RAB23: variants seen among roughly 807,000 people sequenced by gnomAD.
RAB23 encodes ras-related protein Rab-23.
Under a neutral mutation model 30.0 loss-of-function variants are expected in RAB23, and 15 were observed. The ratio of observed to expected loss-of-function variants is 0.50; its 90% CI spans 0.33 to 0.77. The LOEUF (loss-of-function observed/expected upper bound fraction) is 0.77, where lower values mean the gene tolerates loss of function less well. RAB23 is among the 30% of genes least tolerant of loss of function. RAB23 has a pLI of 0.02. For missense variants in RAB23, 243 were observed against 275.4 expected, an observed-to-expected ratio of 0.88 and a Z score of 0.83; for synonymous variants, 93 against 94.0, an observed-to-expected ratio of 0.99 and a Z score of 0.06.
Position 57,194,803 on chromosome 6 carries a change from T to C in RAB23, c.448A>G (p.Thr150Ala), listed in dbSNP as rs142831012. Residue 150 changes from threonine (T) to alanine (A), a missense_variant, in exon 5 of 7, where the codon ACA becomes GCA. Thr to Ala is a moderately conservative substitution (Grantham distance 58). Coordinates refer to ENST00000468148, the MANE Select transcript of RAB23 (RefSeq NM_016277.5). ...ACATTTAGATCTTCTTTCACTGATG[T>C]TCTGTAGAATCTTAACTTTAACCTT... ...AKRLKLRFYR[T>A]SVKEDLNVNE... 4 of 1,613,262 alleles carry C rather than the reference T, an allele frequency of 2.5e-6. No individual in the cohort carries two copies. The African/African-American group carries it at 5.3e-5, about 22-fold the overall frequency.
chr6:57,220,783 C>T (rs1318065378), intron 1 of RAB23, among the ~76,000 whole-genome samples: 1 of 151,820 alleles, frequency 6.6e-6, no homozygotes, highest in Non-Finnish European at 1.5e-5. Context: ...TACATCCTTA[C>T]TGTAGTGGTG....
chr6:57,205,093 TATAA>T (rs1176545534), intron 3 of RAB23, among the ~76,000 whole-genome samples: 8 of 150,390 alleles, frequency 5.3e-5, no homozygotes, highest in South Asian at 2.1e-4. Flanking sequence ...TATTTGCATT[TATAA>T]ATATATATAC....
chr6:57,202,998 C>CTGTTTTTT (rs1562654629), intron 3 of RAB23, among the ~76,000 whole-genome samples: 1 of 119,052 alleles, frequency 8.4e-6, no homozygotes, highest in African/African-American at 3.2e-5. Context: ...CTAAGATAGG[C>CTGTTTTTT]TGTTTTTTTT....
chr6:57,222,053 G>C lies in RAB23; in HGVS notation c.-393C>G, dbSNP rs954229660. On this transcript the variant is annotated 5_prime_UTR_variant, in exon 1 of 7. Coordinates refer to ENST00000468148, the MANE Select transcript of RAB23 (RefSeq NM_016277.5). The stretch of plus-strand genomic sequence containing the variant: ...CCCACCGGCCGCGGACCCGCCGCCC[G>C]GCGCCACCGGCTCCTCCTGGTCGCG... 4 of 152,284 alleles carry C rather than the reference G, an allele frequency of 2.6e-5. No individual in the cohort carries two copies. The highest frequency in any genetic ancestry group is 4.1e-4 in the South Asian group (2 of 4,824). 9.4% of individuals were successfully genotyped at this position (152,284 alleles called of 1,614,324 possible). A position where few individuals can be genotyped will look rare whatever the true frequency, so the allele number is the denominator to read the frequency against.
chr6:57,216,755 T>C (rs1765852974), intron 1 of RAB23, among the ~76,000 whole-genome samples: 1 of 152,148 alleles, frequency 6.6e-6, no homozygotes, highest in South Asian at 2.1e-4. Flanking sequence ...TTGACTTTTC[T>C]GGGAAAGGGA....
intron 1 of RAB23, among the ~76,000 whole-genome samples, chr6:57,219,357 T>C (rs1052826735): frequency 1.3e-5 from 2 of 152,242 alleles, no homozygotes; most frequent in African/African-American, 2.4e-5. Flanking sequence ...AGACATATCA[T>C]GTTCATAGAT....
chr6:57,213,168 T>C (rs1379674164), intron 1 of RAB23, among the ~76,000 whole-genome samples: 1 of 152,114 alleles, frequency 6.6e-6, no homozygotes, highest in African/African-American at 2.4e-5. Context: ...TCAATAGAGT[T>C]TGGGCTCCTA....
Position 57,187,793 on chromosome 6 carries a change from A to AACC in RAB23, c.*2665_*2667dup, listed in dbSNP as rs1012822043. On this transcript the variant is annotated 3_prime_UTR_variant, in exon 7 of 7. Coordinates refer to ENST00000468148, the MANE Select transcript of RAB23 (RefSeq NM_016277.5). ...GCACTGCACTGCCAACTTCTAAAGC[A>AACC]ACCACCTAGAACTTCACTCCATAAT... is the stretch of plus-strand genomic sequence containing the variant. 5.6e-4 allele frequency: 85 copies of AACC among 152,118 alleles called. 1 individual carries two copies. The highest frequency in any genetic ancestry group is 1.9e-3 in the African/African-American group (80 of 41,488). 9.4% of individuals were successfully genotyped at this position (152,118 alleles called of 1,614,324 possible). A position where few individuals can be genotyped will look rare whatever the true frequency, so the allele number is the denominator to read the frequency against.
chr6:57,187,432 A>C lies in RAB23; in HGVS notation c.*3029T>G, dbSNP rs1303418955. The C allele has an allele frequency of 1.3e-5, 2 of 152,208 alleles. No homozygotes were observed. The highest frequency in any genetic ancestry group is 2.4e-5 in the African/African-American group (1 of 41,458). 9.4% of individuals were successfully genotyped at this position (152,208 alleles called of 1,614,324 possible). ...AAAACCTAAGGAGTGACAATAGTACATGTGACATTCTTAACAGTTAAAAAC... is the reference window on the plus strand; with the variant it reads ...AAAACCTAAGGAGTGACAATAGTACCTGTGACATTCTTAACAGTTAAAAAC... On this transcript the variant is annotated 3_prime_UTR_variant, in exon 7 of 7. Coordinates refer to ENST00000468148, the MANE Select transcript of RAB23 (RefSeq NM_016277.5).
chr6:57,211,441 T>C (rs1484062567), intron 1 of RAB23, among the ~76,000 whole-genome samples: 5 of 152,008 alleles, frequency 3.3e-5, no homozygotes, highest in East Asian at 3.9e-4. Flanking sequence ...GCCTAGGTGA[T>C]AGAACAAGAT....
chr6:57,206,857 C>CT (rs1202849810), intron 3 of RAB23, among the ~76,000 whole-genome samples: 2 of 152,122 alleles, frequency 1.3e-5, no homozygotes. Flanking sequence ...TCAGTTGTGC[C>CT]TTTTTATTTC....
intron 1 of RAB23, among the ~76,000 whole-genome samples, chr6:57,216,261 C>T (rs1250745129): frequency 6.6e-6 from 1 of 152,100 alleles, no homozygotes; most frequent in African/African-American, 2.4e-5. Context: ...AATGACAAAA[C>T]CATAATGTGC....
At chr6:57,207,482 T>G in intron 3 of RAB23, 146 bp downstream of exon 3, 1 of 609,698 alleles carries the variant, frequency 1.6e-6, no homozygotes, top group Admixed American at 2.8e-5. Flanking sequence ...AGAAGAATAA[T>G]GAACTGGGGT....
intron 2 of RAB23, among the ~76,000 whole-genome samples, chr6:57,208,939 G>A (rs1349332389): frequency 6.6e-6 from 1 of 151,974 alleles, no homozygotes; most frequent in Admixed American, 6.6e-5. Flanking sequence ...CTGAATTCAC[G>A]ACCAACAGCA....
chr6:57,202,375 TGTG>T (rs533673935), intron 3 of RAB23, among the ~76,000 whole-genome samples: 33 of 152,266 alleles, frequency 2.2e-4, no homozygotes, highest in African/African-American at 7.2e-4. Context: ...AGGTGGGAGT[TGTG>T]GTGGTGGCAA....
chr6:57,220,691 G>T (rs1256941600), intron 1 of RAB23, among the ~76,000 whole-genome samples: 1 of 152,202 alleles, frequency 6.6e-6, no homozygotes, highest in African/African-American at 2.4e-5. Flanking sequence ...GAAAAGATTA[G>T]TAATTGCCAG....
At chr6:57,194,921 T>C in intron 4 of RAB23, 69 bp from the exon 5 acceptor site, 1 of 1,142,528 alleles carries the variant, frequency 8.8e-7, no homozygotes, top group African/African-American at 1.5e-5. Context: ...TAAATCACTT[T>C]TAATTACATT....
chr6:57,198,541 C>T (rs1322475379), intron 3 of RAB23, among the ~76,000 whole-genome samples: 3 of 151,910 alleles, frequency 2.0e-5, no homozygotes, highest in Non-Finnish European at 2.9e-5. Context: ...ATCAGCCAGG[C>T]GTGGTGGCAC....
intron 1 of RAB23, among the ~76,000 whole-genome samples, chr6:57,211,870 T>C (rs755345719): frequency 2.6e-5 from 4 of 152,258 alleles, no homozygotes; most frequent in Non-Finnish European, 4.4e-5. Flanking sequence ...ATATTTCAAC[T>C]ACTTTAACTG....
Sources: gnomAD v4.1 joint callset for allele counts (sites outside exome capture counted in the v4.1 genomes callset) on GRCh38, gnomAD v4.1.1 for gene constraint, MANE v1.5 for transcripts, NCBI Gene and HGNC (gene_info 2026-07-23, HGNC 2026-07-21) for gene names.